Variants in DGKG observed in about 807,000 individuals in gnomAD.
DGKG encodes the protein diacylglycerol kinase gamma, also known as DAG kinase gamma.
Under a neutral mutation model 105.3 loss-of-function variants are expected in DGKG, and 78 were observed. The observed-to-expected ratio is 0.74, with a 90% CI of 0.62 to 0.89. The LOEUF is 0.89. DGKG is among the 40% of genes least tolerant of loss of function. The probability of loss-of-function intolerance (pLI) is 0.00; values close to 1 mark genes in which losing one functional copy is unlikely to be tolerated. For missense variants in DGKG, 958 were observed against 1,020.1 expected, an observed-to-expected ratio of 0.94 and a Z score of 0.83; for synonymous variants, 346 against 367.1, an observed-to-expected ratio of 0.94 and a Z score of 0.66.
intron 22 of DGKG, among the ~76,000 whole-genome samples, chr3:186,175,491 A>G (rs185496910): frequency 6.6e-6 from 1 of 152,196 alleles, no homozygotes; most frequent in African/African-American, 2.4e-5. Context: ...TCTGTGCATG[A>G]GGGTCAGGTG....
chr3:186,161,405 G>A (rs1716284488), intron 24 of DGKG, 198 bp downstream of exon 24: 5 of 1,421,562 alleles, frequency 3.5e-6, no homozygotes, highest in Admixed American at 5.8e-5. Context: ...GCTTCACAGT[G>A]TCTGGCATAT....
At chr3:186,193,572 C>T (rs752655341) in intron 21 of DGKG, among the ~76,000 whole-genome samples, 2 of 152,256 alleles carry the variant, frequency 1.3e-5, no homozygotes, top group African/African-American at 2.4e-5. Context: ...CCTGCGTGCC[C>T]ATTCTCCAGA....
intron 21 of DGKG, among the ~76,000 whole-genome samples, chr3:186,197,935 C>T (rs1264329401): frequency 6.6e-6 from 1 of 152,164 alleles, no homozygotes; most frequent in Non-Finnish European, 1.5e-5. Flanking sequence ...ATTTTCACTG[C>T]CTTGTTTTCT....
chr3:186,273,661 C>T (rs778407796), intron 10 of DGKG, among the ~76,000 whole-genome samples: 9 of 152,104 alleles, frequency 5.9e-5, no homozygotes, highest in South Asian at 2.1e-4. Flanking sequence ...CGTGAATCAC[C>T]GCGCCAGGCC....
rs555283709 is a variant in DGKG at position 186,191,671 on chromosome 3, C to T, written c.1918-3292G>A. Among the ~76,000 whole-genome samples, 9 of 152,346 alleles carry T rather than the reference C, an allele frequency of 5.9e-5. No individual in the cohort carries two copies. The South Asian group carries it at 1.9e-3, about 32-fold the overall frequency. ...ATGCTTTCTATGTTCTTTTTCACTTCAAACGTTGTCTAGCATTCAGCTGGG... is the reference window on the plus strand; with the variant it reads ...ATGCTTTCTATGTTCTTTTTCACTTTAAACGTTGTCTAGCATTCAGCTGGG... On this transcript the variant is annotated intron_variant, in intron 21 of 24. Transcript: ENST00000265022.
In DGKG at chr3:186,161,612, T is replaced by C. The variant is rs766929157; in HGVS notation, c.2268A>G (p.Pro756=). ...GATTGGCAAGACTCACCGTGCAACA[T>C]GGCTGCATCCAGGGTTCTCCATCCA... ...MQVDGEPWMQ[P]CCTIKITHKN... The change falls in exon 24 of 25, where the codon CCA becomes CCG. Residue 756 remains proline (P), a synonymous_variant. Transcript: ENST00000265022. The C allele has an allele frequency of 4.8e-5, 77 of 1,614,084 alleles. No homozygotes were observed. The highest frequency in any genetic ancestry group is 6.3e-5 in the Non-Finnish European group (74 of 1,180,022).
At chr3:186,342,635 G>A (rs1726140880) in intron 1 of DGKG, among the ~76,000 whole-genome samples, 1 of 151,804 alleles carries the variant, frequency 6.6e-6, no homozygotes, top group African/African-American at 2.4e-5. Context: ...GACCCTGCTT[G>A]GTGAAGCAAG....
At chr3:186,207,712 G>GGCCCTGGCCATGTGTCTACAGGTCA (rs1718814322) in intron 21 of DGKG, among the ~76,000 whole-genome samples, 1 of 56,252 alleles carries the variant, frequency 1.8e-5, no homozygotes, top group South Asian at 1.0e-3. Context: ...CTCCAAGTCA[G>GGCCCTGGCCATGTGTCTACAGGTCA]GGCCCTGGCC....
chr3:186,305,760 A>G (rs1284803784), intron 3 of DGKG, among the ~76,000 whole-genome samples: 1 of 152,160 alleles, frequency 6.6e-6, no homozygotes, highest in Non-Finnish European at 1.5e-5. Context: ...AGGTAGATCT[A>G]ACAGAATTTG....
chr3:186,361,384 G>C lies in DGKG; in HGVS notation c.-249+562C>G, dbSNP rs982929376. Among the ~76,000 whole-genome samples the C allele has an allele frequency of 1.3e-5, 2 of 152,136 alleles. No homozygotes were observed. The highest frequency in any genetic ancestry group is 2.9e-5 in the Non-Finnish European group (2 of 68,006). ...CATCTTGTGACTCTGAGACTACACA[G>C]ATCAACCTCAGATTCGACCCTTCCC... On this transcript the variant is annotated intron_variant, in intron 1 of 24. Transcript: ENST00000265022. This position sits in a 1 kb window ranked among gnomAD's most constrained non-coding sequence, Gnocchi z 6.8.
chr3:186,211,038 G>A (rs946392911), intron 21 of DGKG, among the ~76,000 whole-genome samples: 3 of 152,202 alleles, frequency 2.0e-5, no homozygotes, highest in Non-Finnish European at 4.4e-5. Flanking sequence ...GAAGTGGGCA[G>A]CTTATCAACC....
At chr3:186,249,862 C>T (rs966091753) in intron 19 of DGKG, among the ~76,000 whole-genome samples, 3 of 152,028 alleles carry the variant, frequency 2.0e-5, no homozygotes, top group Non-Finnish European at 4.4e-5. Flanking sequence ...CAAAACAACA[C>T]CCTTTACTTA....
At chr3:186,216,791 A>G (rs1719314381) in intron 20 of DGKG, among the ~76,000 whole-genome samples, 1 of 151,496 alleles carries the variant, frequency 6.6e-6, no homozygotes. Flanking sequence ...CTCCTACTTT[A>G]CTCTTAGCCC....
chr3:186,297,511 C>T (rs755551748), intron 4 of DGKG, 28 bp from the exon 5 acceptor site: 16 of 1,535,390 alleles, frequency 1.0e-5, no homozygotes, highest in Non-Finnish European at 1.4e-5. Context: ...GATTTAAAGA[C>T]CAACCCAGGC....
intron 3 of DGKG, 197 bp downstream of exon 3, chr3:186,306,704 C>T: frequency 5.3e-6 from 3 of 570,022 alleles, no homozygotes; most frequent in Middle Eastern, 3.2e-4. Context: ...TGGTAGTCTT[C>T]TAGGACAGTG....
Position 186,298,099 on chromosome 3 carries a change from G to C in DGKG, c.275C>G (p.Thr92Arg). Residue 92 changes from threonine to arginine, a missense_variant, in exon 4 of 25, where the codon ACG becomes AGG. This residue lies in a region of DGKG where 643 missense variants were observed against 619.5 expected (regional missense o/e 1.04). Transcript: ENST00000265022. ...GGCCTCACTGTTGCTGGCTCCCTCC[G>C]TCGGGTGGTCAGAGGTCTCGTGTCT... ...KPRHETSDHP[T>R]EGASNSEANS... is the part of the protein sequence containing the mutation. The C allele has an allele frequency of 6.2e-7, 1 of 1,613,678 alleles. No homozygotes were observed. Among genetic ancestry groups the C allele is most frequent in the Non-Finnish European group, 8.5e-7 (1 of 1,179,796 alleles).
At chr3:186,258,193 T>C (rs1721577246) in intron 16 of DGKG, among the ~76,000 whole-genome samples, 1 of 152,204 alleles carries the variant, frequency 6.6e-6, no homozygotes, top group African/African-American at 2.4e-5. Context: ...GAAAATGGTT[T>C]TCTAGAAATT....
At chr3:186,327,693 G>T (rs1022143202) in intron 1 of DGKG, among the ~76,000 whole-genome samples, 1 of 151,730 alleles carries the variant, frequency 6.6e-6, no homozygotes, top group African/African-American at 2.4e-5. Flanking sequence ...GATTATATGT[G>T]AGCCTCTGTG....
chr3:186,267,664 C>T (rs772723395), intron 13 of DGKG, 21 bp downstream of exon 13: 30 of 1,604,262 alleles, frequency 1.9e-5, no homozygotes, highest in Admixed American at 6.7e-5. Context: ...CTACAGCCCT[C>T]GCCGGGGCAG....
Sources: gnomAD v4.1 joint callset for allele counts (sites outside exome capture counted in the v4.1 genomes callset) on GRCh38, gnomAD v4.1.1 for gene constraint, gnomAD v4.1.1 regional missense constraint, Gnocchi (gnomAD v3.1) non-coding constraint, MANE v1.5 for transcripts, NCBI Gene and HGNC (gene_info 2026-07-23, HGNC 2026-07-21) for gene names.